Variants in GRIK2 observed in about 807,000 individuals in gnomAD.
The protein encoded by GRIK2 is glutamate receptor ionotropic, kainate 2.
GRIK2 carries 32 observed loss-of-function variants against 100.3 expected under a neutral mutation model. That is an observed-to-expected ratio of 0.32 (90% CI 0.24 to 0.43). The LOEUF (loss-of-function observed/expected upper bound fraction) is 0.43, where lower values mean the gene tolerates loss of function less well. Among genes scored for constraint, GRIK2 ranks in the 20% least tolerant of loss-of-function variants. GRIK2 has a pLI of 1.00. For missense variants in GRIK2, 843 were observed against 1,114.9 expected (o/e 0.76, Z 3.47); for synonymous variants, 417 against 389.4 (o/e 1.07, Z -0.83).
At chr6:101,536,187 TAAA>T (rs925686239) in intron 2 of GRIK2, among the ~76,000 whole-genome samples, 27 of 151,724 alleles carry the variant, frequency 1.8e-4, no homozygotes, top group African/African-American at 6.3e-4. Flanking sequence ...TTTCTAATAA[TAAA>T]AAGCGTTCAG....
intron 15 of GRIK2, among the ~76,000 whole-genome samples, chr6:102,037,773 TC>T (rs1770350017): frequency 6.6e-6 from 1 of 151,356 alleles, no homozygotes; most frequent in South Asian, 2.1e-4. Context: ...ATGGGAGTGC[TC>T]AAATCTTGGC....
chr6:101,982,010 A>G (rs896567130), intron 14 of GRIK2, among the ~76,000 whole-genome samples: 7 of 151,852 alleles, frequency 4.6e-5, no homozygotes, highest in African/African-American at 1.4e-4. Flanking sequence ...ATAAAAAACA[A>G]ACACTTTTTG....
chr6:101,633,196 G>A (rs1036910107), intron 4 of GRIK2, among the ~76,000 whole-genome samples: 1 of 152,078 alleles, frequency 6.6e-6, no homozygotes, highest in Non-Finnish European at 1.5e-5. Flanking sequence ...CAATATCAGT[G>A]ATGTTTGTGT....
chr6:101,627,727 A>C (rs1472506705), intron 4 of GRIK2, among the ~76,000 whole-genome samples: 2 of 151,800 alleles, frequency 1.3e-5, no homozygotes, highest in Non-Finnish European at 2.9e-5. Context: ...AGAGACTTAG[A>C]AAATAGAATT....
At chr6:101,874,705 G>A (rs938161135) in intron 11 of GRIK2, among the ~76,000 whole-genome samples, 34 of 150,840 alleles carry the variant, frequency 2.3e-4, no homozygotes, top group African/African-American at 3.1e-4. Context: ...CCATTTTCAC[G>A]ATATTGATTC....
chr6:101,796,767 A>C (rs1456972961), intron 7 of GRIK2, among the ~76,000 whole-genome samples: 4 of 152,126 alleles, frequency 2.6e-5, no homozygotes, highest in African/African-American at 9.7e-5. Flanking sequence ...ACTGGGCTCA[A>C]ACTTCAGGGC....
intron 15 of GRIK2, among the ~76,000 whole-genome samples, chr6:102,045,411 G>T (rs1390262717): frequency 1.3e-5 from 2 of 151,946 alleles, no homozygotes; most frequent in Non-Finnish European, 2.9e-5. Context: ...GTTTTGGAAA[G>T]GTGTACATAG....
chr6:102,025,032 C>A (rs1383632013), intron 14 of GRIK2, among the ~76,000 whole-genome samples: 2 of 150,738 alleles, frequency 1.3e-5, no homozygotes, highest in African/African-American at 4.8e-5. Flanking sequence ...TTTATATAGT[C>A]TAATCCGTTT....
chr6:101,841,550 G>T (rs1783503894), intron 10 of GRIK2, among the ~76,000 whole-genome samples: 1 of 152,000 alleles, frequency 6.6e-6, no homozygotes, highest in South Asian at 2.1e-4. Flanking sequence ...TTTTAGTAGA[G>T]ATGGGGGTTT....
chr6:101,692,039 C>CAAAAAAAAAAAAAAAAAAAAAAA (rs60210939), intron 7 of GRIK2, among the ~76,000 whole-genome samples: 1 of 78,388 alleles, frequency 1.3e-5, no homozygotes, highest in African/African-American at 4.9e-5. Context: ...CACCCCGTCT[C>CAAAAAAAAAAAAAAAAAAAAAAA]AAAAAAAAAA....
At chr6:101,961,374 G>T (rs1416890907) in intron 14 of GRIK2, among the ~76,000 whole-genome samples, 1 of 152,036 alleles carries the variant, frequency 6.6e-6, no homozygotes, top group African/African-American at 2.4e-5. Context: ...TGCAAGCTGG[G>T]CTAATGGACA....
At chr6:101,604,675 G>A (rs1290645767) in intron 2 of GRIK2, among the ~76,000 whole-genome samples, 1 of 151,870 alleles carries the variant, frequency 6.6e-6, no homozygotes, top group Admixed American at 6.6e-5. Context: ...CAAGAAGATT[G>A]GTTAATTATC....
chr6:101,397,618 G>C (rs75732170), intron 1 of GRIK2, among the ~76,000 whole-genome samples: 1 of 152,196 alleles, frequency 6.6e-6, no homozygotes, highest in Non-Finnish European at 1.5e-5. Flanking sequence ...AATATCTTAA[G>C]AAAATTTAAA....
rs1284370374 is a variant in GRIK2, at chr6:101,622,052, T to C, written c.219T>C (p.Asn73=). ...ACAGAAACAGAACATTGCTACCCAA[T>C]ACTACCCTTACCTATGATACCCAGA... The part of the protein sequence containing the change: ...TINRNRTLLP[N]TTLTYDTQKI... Residue 73 remains asparagine, a synonymous_variant, in exon 3 of 17, where the codon AAT becomes AAC. Transcript: ENST00000369134. The C allele has an allele frequency of 6.2e-7, 1 of 1,603,008 alleles. No homozygotes were observed. The highest frequency in any genetic ancestry group is 1.7e-5 in the Admixed American group (1 of 59,962).
At chr6:102,039,471 G>GAGTT (rs1318916294) in intron 15 of GRIK2, among the ~76,000 whole-genome samples, 1 of 151,418 alleles carries the variant, frequency 6.6e-6, no homozygotes, top group Non-Finnish European at 1.5e-5. Context: ...GGCTCGGAGT[G>GAGTT]AGTTAAAAGC....
intron 2 of GRIK2, among the ~76,000 whole-genome samples, chr6:101,583,320 G>A (rs1160964481): frequency 1.3e-5 from 2 of 152,118 alleles, no homozygotes; most frequent in East Asian, 3.9e-4. Context: ...AAGTCAGGAA[G>A]ATGCACCAAC....
At chr6:101,462,197 A>G (rs562182624) in intron 2 of GRIK2, among the ~76,000 whole-genome samples, 200 of 152,338 alleles carry the variant, frequency 1.3e-3, no homozygotes, top group African/African-American at 4.8e-3. Context: ...TGATTATGGT[A>G]GAACTATACA....
chr6:101,426,161 A>G (rs1270785219), intron 2 of GRIK2, among the ~76,000 whole-genome samples: 3 of 152,198 alleles, frequency 2.0e-5, no homozygotes, highest in African/African-American at 4.8e-5. Context: ...ACACAGTACA[A>G]CACTGTGCTT....
chr6:101,576,535 A>C (rs976999299), intron 2 of GRIK2, among the ~76,000 whole-genome samples: 1 of 152,066 alleles, frequency 6.6e-6, no homozygotes, highest in African/African-American at 2.4e-5. Context: ...TGGCATTTGT[A>C]TGCAGGAAAC....
Sources: gnomAD v4.1 joint callset for allele counts (sites outside exome capture counted in the v4.1 genomes callset) on GRCh38, gnomAD v4.1.1 for gene constraint, MANE v1.5 for transcripts, NCBI Gene and HGNC (gene_info 2026-07-23, HGNC 2026-07-21) for gene names.